PRKCA: variants seen among roughly 807,000 people sequenced by gnomAD.
The protein encoded by PRKCA is protein kinase C alpha.
PRKCA carries 27 observed loss-of-function variants against 87.0 expected under a neutral mutation model. The ratio of observed to expected loss-of-function variants is 0.31; its 90% CI spans 0.23 to 0.43. The LOEUF is 0.43. PRKCA is among the 20% of genes least tolerant of loss of function. The pLI is 1.00. For missense variants in PRKCA, 518 were observed against 852.3 expected (o/e 0.61, Z 4.88); for synonymous variants, 329 against 311.1 (o/e 1.06, Z -0.61).
At chr17:66,645,310 A>G (rs1598841112) in intron 4 of PRKCA, 73 bp from the exon 5 acceptor site, 1 of 1,602,054 alleles carries the variant, frequency 6.2e-7, no homozygotes, top group East Asian at 2.2e-5. Context: ...ACTTGTGCTC[A>G]TGCACCAAAA....
chr17:66,588,813 T>G (rs1969703947), intron 3 of PRKCA, among the ~76,000 whole-genome samples: 1 of 151,950 alleles, frequency 6.6e-6, no homozygotes, highest in Non-Finnish European at 1.5e-5. Context: ...GCTGATTTTT[T>G]GCATTTTTGT....
chr17:66,367,422 G>A (rs1377467255), intron 2 of PRKCA, among the ~76,000 whole-genome samples: 3 of 152,200 alleles, frequency 2.0e-5, no homozygotes, highest in Non-Finnish European at 4.4e-5. Context: ...AAGTGACAGA[G>A]GTGAGAGAGG....
chr17:66,326,976 G>A (rs1906014856), intron 2 of PRKCA, among the ~76,000 whole-genome samples: 1 of 152,112 alleles, frequency 6.6e-6, no homozygotes, highest in Non-Finnish European at 1.5e-5. Flanking sequence ...GCCAAGATGG[G>A]GGGAATCACT....
At position 66,414,291 on chromosome 17, in the gene PRKCA, C is replaced by T. The variant is rs140641979; in HGVS notation, c.206-81910C>T. Among the ~76,000 whole-genome samples, 701 of 152,190 alleles carry T rather than the reference C, an allele frequency of 4.6e-3. 2 individuals carry two copies. Among genetic ancestry groups the T allele is most frequent in the Non-Finnish European group, 4.6e-3 (315 of 68,010 alleles). Reference sequence around the variant, plus strand: ...CCTTGGTGCTGTGAGTGAGTTCTCACGAGATCTGGTCGTTTAAAAGTGTGT... The same window carrying T: ...CCTTGGTGCTGTGAGTGAGTTCTCATGAGATCTGGTCGTTTAAAAGTGTGT... On this transcript the variant is annotated intron_variant, in intron 2 of 16. Transcript: ENST00000413366.
intron 2 of PRKCA, among the ~76,000 whole-genome samples, chr17:66,431,504 G>A (rs557693194): frequency 6.6e-5 from 10 of 152,260 alleles, no homozygotes; most frequent in African/African-American, 2.4e-4. Flanking sequence ...ATTTCTTCCT[G>A]TGGCTCATGA....
At chr17:66,440,491 G>A (rs929268315) in intron 2 of PRKCA, among the ~76,000 whole-genome samples, 3 of 152,200 alleles carry the variant, frequency 2.0e-5, no homozygotes, top group African/African-American at 7.2e-5. Flanking sequence ...AGAGGCCCCT[G>A]CCCCTTCAGA....
intron 3 of PRKCA, among the ~76,000 whole-genome samples, chr17:66,596,353 A>G (rs999359544): frequency 3.3e-5 from 5 of 152,140 alleles, no homozygotes; most frequent in Admixed American, 2.0e-4. Context: ...GTAAGGTTCA[A>G]TTGGATGCGT....
chr17:66,720,286 T>C (rs1244951401), intron 8 of PRKCA, among the ~76,000 whole-genome samples: 1 of 152,244 alleles, frequency 6.6e-6, no homozygotes, highest in Non-Finnish European at 1.5e-5. Flanking sequence ...GGCGGCAGCG[T>C]GCTTGGCGTG....
chr17:66,593,573 G>A (rs1378963599), intron 3 of PRKCA, among the ~76,000 whole-genome samples: 1 of 152,188 alleles, frequency 6.6e-6, no homozygotes, highest in African/African-American at 2.4e-5. Flanking sequence ...GGGAGGAGGG[G>A]TTCCTATCAC....
intron 5 of PRKCA, among the ~76,000 whole-genome samples, chr17:66,686,831 A>C (rs1412933840): frequency 1.3e-5 from 2 of 152,120 alleles, no homozygotes; most frequent in Non-Finnish European, 2.9e-5. Context: ...GGGTTTCTGC[A>C]TTTCTAATAG....
chr17:66,648,606 A>G (rs16959802), intron 5 of PRKCA, among the ~76,000 whole-genome samples: 7,803 of 152,286 alleles, frequency 0.051, 675 homozygotes, highest in African/African-American at 0.18. Context: ...AGGGAATCCA[A>G]TGTTAAGTAT....
At position 66,773,972 on chromosome 17, in the gene PRKCA, T is replaced by C; in HGVS notation, c.1525-15T>C. 6.2e-7 allele frequency: 1 copy of C among 1,613,902 alleles called. No homozygotes were observed. Among genetic ancestry groups the C allele is most frequent in the Non-Finnish European group, 8.5e-7 (1 of 1,179,858 alleles). ...ACTTACCACTAATGTAATTGATGTG[T>C]TTGTTTTCACACAGATAATCGCTTA... On this transcript the variant is annotated splice_polypyrimidine_tract_variant and intron_variant, in intron 13 of 16. Transcript: ENST00000413366.
chr17:66,587,869 A>ATGTG (rs869036727), intron 3 of PRKCA, among the ~76,000 whole-genome samples: 1 of 79,064 alleles, frequency 1.3e-5, no homozygotes, highest in African/African-American at 3.9e-5. Flanking sequence ...ATACATATGT[A>ATGTG]TGTGTGTGTG....
chr17:66,752,412 T>C (rs964647636), intron 13 of PRKCA, among the ~76,000 whole-genome samples: 1 of 152,064 alleles, frequency 6.6e-6, no homozygotes, highest in Non-Finnish European at 1.5e-5. Flanking sequence ...CTGGCCAACA[T>C]GGTGAAACCC....
At chr17:66,481,145 C>T (rs2144051772) in intron 2 of PRKCA, among the ~76,000 whole-genome samples, 1 of 152,244 alleles carries the variant, frequency 6.6e-6, no homozygotes, top group African/African-American at 2.4e-5. Context: ...GGGCTATTCC[C>T]CAGGCACTCA....
chr17:66,507,901 T>A (rs1043244202), intron 3 of PRKCA, among the ~76,000 whole-genome samples: 2 of 152,212 alleles, frequency 1.3e-5, no homozygotes, highest in African/African-American at 2.4e-5. Context: ...CTTAATACAT[T>A]TCCAGCAGGA....
At chr17:66,735,112 G>C (rs9901781) in intron 9 of PRKCA, among the ~76,000 whole-genome samples, 15,395 of 152,198 alleles carry the variant, frequency 0.1, 974 homozygotes, top group East Asian at 0.29. Context: ...TCAAGTCTAG[G>C]TTCTTGACTT....
chr17:66,393,689 TG>T (rs1303390301), intron 2 of PRKCA, among the ~76,000 whole-genome samples: 1 of 151,984 alleles, frequency 6.6e-6, no homozygotes, highest in Non-Finnish European at 1.5e-5. Context: ...TTGGAGCTTC[TG>T]GGGACCACCC....
intron 3 of PRKCA, among the ~76,000 whole-genome samples, chr17:66,613,256 C>G (rs1260678746): frequency 6.6e-6 from 1 of 152,154 alleles, no homozygotes; most frequent in South Asian, 2.1e-4. Context: ...AGAGTTGAGT[C>G]AAGGACATCC....
Sources: gnomAD v4.1 joint callset for allele counts (sites outside exome capture counted in the v4.1 genomes callset) on GRCh38, gnomAD v4.1.1 for gene constraint, MANE v1.5 for transcripts, NCBI Gene and HGNC (gene_info 2026-07-23, HGNC 2026-07-21) for gene names.